Variants in DENND6B observed in about 807,000 individuals in gnomAD.
The protein encoded by DENND6B is protein DENND6B.
In DENND6B, 73 loss-of-function variants were observed where a neutral mutation model predicts 85.1. That is an observed-to-expected ratio of 0.86 (90% confidence interval 0.71 to 1.04). The LOEUF is 1.04. DENND6B is among the 50% of genes least tolerant of loss of function. The probability of loss-of-function intolerance (pLI) is 0.00; values close to 1 mark genes in which losing one functional copy is unlikely to be tolerated. For synonymous variants in DENND6B, 357 were observed against 329.3 expected (o/e 1.08, Z -0.91); for missense variants, 715 against 785.8 (o/e 0.91, Z 1.08).
In DENND6B at chr22:50,324,716, G is replaced by A. The variant is rs186923140; in HGVS notation, c.177+2096C>T. Among the ~76,000 whole-genome samples, 16 of 152,314 alleles carry A rather than the reference G, an allele frequency of 1.1e-4. No homozygotes were observed. In the East Asian group the frequency reaches 2.7e-3, roughly 26 times the overall value. On this transcript the variant is annotated intron_variant, in intron 1 of 19. Coordinates refer to ENST00000413817, the MANE Select transcript of DENND6B (RefSeq NM_001001794.4). ...TAGGATTACAGGCGTGAGCCACCAT[G>A]CCCAGCCTTCAAAGTGATTTACTGA...
chr22:50,317,134 G>C (rs1179822984), intron 5 of DENND6B, 159 bp downstream of exon 5: 21 of 655,980 alleles, frequency 3.2e-5, no homozygotes, highest in South Asian at 3.5e-5. Context: ...AGGACAGGGT[G>C]GGGGGGCGGC....
Position 50,318,020 on chromosome 22 carries a change from C to T in DENND6B, c.260G>A (p.Gly87Asp), listed in dbSNP as rs757983446. The T allele has an allele frequency of 8.7e-6, 14 of 1,611,998 alleles. No individual in the cohort carries two copies. Among genetic ancestry groups the T allele is most frequent in the Non-Finnish European group, 1.2e-5 (14 of 1,179,532 alleles). The change falls in exon 4 of 20, where the codon GGC becomes GAC. Residue 87 changes from glycine to aspartate, a missense_variant and splice_region_variant. Coordinates refer to ENST00000413817, the MANE Select transcript of DENND6B (RefSeq NM_001001794.4). ...GCTGAACTGAGTGTCTCCAAGGCAGCCTAAGAAGGGGCAGCCCCACCACAC... is the reference window on the plus strand; with the variant it reads ...GCTGAACTGAGTGTCTCCAAGGCAGTCTAAGAAGGGGCAGCCCCACCACAC... ...CYLSFPDSHS[G>D]CLGDTQFSFR...
intron 5 of DENND6B, chr22:50,316,896 T>C (rs1443269583): frequency 1.8e-5 from 1 of 54,476 alleles, no homozygotes; most frequent in Non-Finnish European, 2.9e-5. Context: ...TTGGGTCCCA[T>C]GCCAGGCAAG....
chr22:50,313,998 C>T, intron 13 of DENND6B, 120 bp from the exon 14 acceptor site: 8 of 1,377,384 alleles, frequency 5.8e-6, no homozygotes, highest in Non-Finnish European at 7.7e-6. Context: ...CCCTTGGCTG[C>T]ACCTGAAAAT....
rs2147762717 is a variant in DENND6B, at chr22:50,311,943, C to G, written c.*196G>C. Reference sequence around the variant, plus strand: ...AGGCAAGGCTCTGCCTGCGAGGAACCCCTATGGTCAAGGCCATGCTGTGGT... The same window carrying G: ...AGGCAAGGCTCTGCCTGCGAGGAACGCCTATGGTCAAGGCCATGCTGTGGT... On this transcript the variant is annotated 3_prime_UTR_variant, in exon 20 of 20. Transcript: ENST00000413817. The G allele has an allele frequency of 4.3e-6, 4 of 935,910 alleles. No individual in the cohort carries two copies. The highest frequency in any genetic ancestry group is 6.2e-6 in the Non-Finnish European group (4 of 645,870). The allele number at this position is 935,910 out of a possible 1,614,324, so 58.0% of individuals were successfully genotyped here.
At position 50,313,734 on chromosome 22, in the gene DENND6B, A is replaced by G. The variant is rs2068131707; in HGVS notation, c.1204-10T>C. On this transcript the variant is annotated splice_polypyrimidine_tract_variant and intron_variant, in intron 14 of 19. Coordinates refer to ENST00000413817, the MANE Select transcript of DENND6B (RefSeq NM_001001794.4). ...GCTTCTTCTGCACGCCCTGCAGGGG[A>G]GAGAGGGCCAGGCCCTTGCTGCGCT... The G allele has an allele frequency of 1.2e-6, 2 of 1,604,110 alleles. No individual in the cohort carries two copies. Among genetic ancestry groups the G allele is most frequent in the Non-Finnish European group, 1.7e-6 (2 of 1,176,896 alleles).
At chr22:50,314,536 A>C in intron 11 of DENND6B, 42 bp from the exon 12 acceptor site, 2 of 1,553,682 alleles carry the variant, frequency 1.3e-6, no homozygotes, top group African/African-American at 1.4e-5. Context: ...ACAGAGGTCC[A>C]GGGAGGTGCA....
intron 1 of DENND6B, 150 bp from the exon 2 acceptor site, chr22:50,319,153 C>T: frequency 6.5e-7 from 1 of 1,531,334 alleles, no homozygotes; most frequent in South Asian, 1.2e-5. Flanking sequence ...TCGCCCCCTG[C>T]TCCCTGTTCC....
intron 5 of DENND6B, chr22:50,316,785 T>G: frequency 2.3e-6 from 3 of 1,282,618 alleles, no homozygotes; most frequent in Non-Finnish European, 3.0e-6. Flanking sequence ...TTTTACTCTC[T>G]GCCTATGGCT....
intron 5 of DENND6B, 24 bp from the exon 6 acceptor site, chr22:50,316,499 G>A (rs745587639): frequency 6.4e-7 from 1 of 1,555,770 alleles, no homozygotes; most frequent in Non-Finnish European, 8.7e-7. Flanking sequence ...GGGCCAGTTA[G>A]AGGCCCAGTG....
chr22:50,318,735 T>A, intron 3 of DENND6B, 112 bp downstream of exon 3: 2 of 1,473,912 alleles, frequency 1.4e-6, no homozygotes, highest in South Asian at 1.2e-5. Flanking sequence ...TGCTCACCCC[T>A]GTGGCACTCT....
Position 50,313,105 on chromosome 22 carries a change from G to A in DENND6B, c.1351C>T (p.Pro451Ser), listed in dbSNP as rs1464468797. 2 of 1,553,626 alleles carry A rather than the reference G, an allele frequency of 1.3e-6. No homozygotes were observed. The highest frequency in any genetic ancestry group is 1.7e-6 in the Non-Finnish European group (2 of 1,148,930). ...TGGCTGAAGGGCTGGATCTGGGGGG[G>A]AGTCTGAGAGGGGATGGGTGAGCCA... ...LQKSITPWKT[P>S]PQIQPFSQDD... Residue 451 changes from proline to serine, a missense_variant, in exon 17 of 20, where the codon CCC becomes TCC. Pro to Ser is a moderately conservative substitution (Grantham distance 74). Transcript: ENST00000413817.
chr22:50,316,786 G>A, intron 5 of DENND6B: 3 of 1,283,834 alleles, frequency 2.3e-6, no homozygotes, highest in Non-Finnish European at 3.0e-6. Context: ...TTTACTCTCT[G>A]CCTATGGCTT....
At chr22:50,325,743 AG>A (rs2042172381) in intron 1 of DENND6B, among the ~76,000 whole-genome samples, 1 of 152,174 alleles carries the variant, frequency 6.6e-6, no homozygotes, top group African/African-American at 2.4e-5. Context: ...CTTGGTACTC[AG>A]CCCCCACCCA....
At chr22:50,322,167 C>G (rs910158539) in intron 1 of DENND6B, among the ~76,000 whole-genome samples, 7 of 151,072 alleles carry the variant, frequency 4.6e-5, no homozygotes, top group Non-Finnish European at 1.0e-4. Context: ...CTCCGCCTCC[C>G]GGGTTCACGA....
chr22:50,312,042 G>GGGGCTGACCCTGGGGATT lies in DENND6B; in HGVS notation c.*96_*97insAATCCCCAGGGTCAGCCC. 6.6e-7 allele frequency: 1 copy of GGGGCTGACCCTGGGGATT among 1,520,730 alleles called. No homozygotes were observed. Among genetic ancestry groups the GGGGCTGACCCTGGGGATT allele is most frequent in the Admixed American group, 2.1e-5 (1 of 47,604 alleles). 94.2% of individuals were successfully genotyped at this position (1,520,730 alleles called of 1,614,324 possible). On this transcript the variant is annotated 3_prime_UTR_variant, in exon 20 of 20. Coordinates refer to ENST00000413817, the MANE Select transcript of DENND6B (RefSeq NM_001001794.4). ...GCCTGCAGTCTGGGCGGGGGGCCAAGGAAGGGGAGCGTGTGCTTGGCCCAG... is the reference window on the plus strand; with the variant it reads ...GCCTGCAGTCTGGGCGGGGGGCCAAGGGGCTGACCCTGGGGATTGAAGGGGAGCGTGTGCTTGGCCCAG...
chr22:50,314,412 G>A lies in DENND6B; in HGVS notation c.1060C>T (p.Pro354Ser). Reference sequence around the variant, plus strand: ...CCGGGAGCCTGACCTGACATCTTGGGCTCCCCGACTCGGAGGATGTGGGGC... The same window carrying A: ...CCGGGAGCCTGACCTGACATCTTGGACTCCCCGACTCGGAGGATGTGGGGC... The part of the protein sequence containing the change: ...HWPHILRVGE[P>S]KMSGDLPKQV... The change falls in exon 12 of 20, where the codon CCC becomes TCC. Residue 354 changes from proline (P) to serine (S), a missense_variant. By Grantham distance (74) the Pro-to-Ser change is moderately conservative. Coordinates refer to ENST00000413817, the MANE Select transcript of DENND6B (RefSeq NM_001001794.4). The A allele has an allele frequency of 6.4e-7, 1 of 1,564,454 alleles. No homozygotes were observed. The highest frequency in any genetic ancestry group is 8.7e-7 in the Non-Finnish European group (1 of 1,154,096).
At position 50,314,408 on chromosome 22, in the gene DENND6B, T is replaced by C. The variant is rs764908949; in HGVS notation, c.1064A>G (p.Lys355Arg). ...CTCACCGGGAGCCTGACCTGACATC[T>C]TGGGCTCCCCGACTCGGAGGATGTG... ...WPHILRVGEPKMSGDLPKQVK... is the reference protein window; with the variant it reads ...WPHILRVGEPRMSGDLPKQVK... The change falls in exon 12 of 20, where the codon AAG becomes AGG. Residue 355 changes from lysine to arginine, a missense_variant. By Grantham distance (26) the Lys-to-Arg change is conservative (BLOSUM62 2). Transcript: ENST00000413817. 1.3e-6 allele frequency: 2 copies of C among 1,564,366 alleles called. No homozygotes were observed. The highest frequency in any genetic ancestry group is 1.7e-6 in the Non-Finnish European group (2 of 1,154,070).
At position 50,309,110 on chromosome 22, in the gene DENND6B, A is replaced by G. The variant is rs1215590994; in HGVS notation, c.*3029T>C. On this transcript the variant is annotated 3_prime_UTR_variant, in exon 20 of 20. Coordinates refer to ENST00000413817, the MANE Select transcript of DENND6B (RefSeq NM_001001794.4). ...ACTAAAAGGGAGTCTTTAAATAGCC[A>G]GCAGGAAGCTTGAGGGTGAGCAGCT... 1 of 152,288 alleles carries G rather than the reference A, an allele frequency of 6.6e-6. No individual in the cohort carries two copies. Among genetic ancestry groups the G allele is most frequent in the African/African-American group, 2.4e-5 (1 of 41,476 alleles). The allele number at this position is 152,288 out of a possible 1,614,324, so 9.4% of individuals were successfully genotyped here.
Sources: gnomAD v4.1 joint callset for allele counts (sites outside exome capture counted in the v4.1 genomes callset) on GRCh38, gnomAD v4.1.1 for gene constraint, MANE v1.5 for transcripts, NCBI Gene and HGNC (gene_info 2026-07-23, HGNC 2026-07-21) for gene names.